DLC1: variants seen among roughly 807,000 people sequenced by gnomAD.
DLC1 encodes rho GTPase-activating protein 7.
A neutral mutation model predicts 140.3 loss-of-function variants in DLC1; 54 were observed. The observed-to-expected ratio is 0.38, with a 90% CI of 0.31 to 0.48. The LOEUF (loss-of-function observed/expected upper bound fraction) is 0.48. Ranked by LOEUF, DLC1 falls within the 20% of genes least tolerant of loss-of-function variation. The probability of loss-of-function intolerance (pLI) is 0.96; values close to 1 mark genes in which losing one functional copy is unlikely to be tolerated. For synonymous variants in DLC1, 986 were observed against 728.1 expected (o/e 1.35, Z -5.70); for missense variants, 2,536 against 1,907.0 (o/e 1.33, Z -6.14).
At chr8:13,507,272 C>A (rs6984727) in intron 1 of DLC1, among the ~76,000 whole-genome samples, 5,082 of 152,260 alleles carry the variant, frequency 0.033, 276 homozygotes, top group African/African-American at 0.11. Flanking sequence ...ACTGACTTGA[C>A]ATATGCTTAG....
At chr8:13,516,239 A>T (rs528338003), upstream of DLC1, among the ~76,000 whole-genome samples, 86 of 152,346 alleles carry the variant, frequency 5.6e-4, no homozygotes, top group African/African-American at 2.0e-3. Flanking sequence ...GCTTTCAATA[A>T]TAGGAAGTGC....
chr8:13,376,918 A>G (rs1836019511), intron 4 of DLC1, among the ~76,000 whole-genome samples: 1 of 152,178 alleles, frequency 6.6e-6, no homozygotes, highest in Non-Finnish European at 1.5e-5. Flanking sequence ...TATATGGTAT[A>G]GATTATATGT....
chr8:13,407,193 C>T (rs1282311484), intron 2 of DLC1, among the ~76,000 whole-genome samples: 2 of 152,182 alleles, frequency 1.3e-5, no homozygotes, highest in South Asian at 2.1e-4. Flanking sequence ...TCCTAATTTA[C>T]TTGGAAGAGC....
intron 5 of DLC1, among the ~76,000 whole-genome samples, chr8:13,136,084 T>C (rs184946410): frequency 2.0e-5 from 3 of 152,370 alleles, no homozygotes; most frequent in East Asian, 3.9e-4. Context: ...GAAATGGACA[T>C]GCTACATTTT....
intron 1 of DLC1, among the ~76,000 whole-genome samples, chr8:13,597,240 T>G (rs1171898822): frequency 6.6e-6 from 1 of 152,038 alleles, no homozygotes; most frequent in Non-Finnish European, 1.5e-5. Context: ...TGGATAGATT[T>G]GTCAGCTTAT....
intron 4 of DLC1, among the ~76,000 whole-genome samples, chr8:13,384,503 G>C (rs150178302): frequency 3.3e-5 from 5 of 152,132 alleles, no homozygotes; most frequent in African/African-American, 7.2e-5. Context: ...GTTAATATTT[G>C]CTTGGGAAAT....
Position 13,407,085 on chromosome 8 carries a change from G to C in DLC1, c.1024-5466C>G, listed in dbSNP as rs562308453. 3.3e-5 allele frequency among the ~76,000 whole-genome samples: 5 copies of C among 152,240 alleles called. No homozygotes were observed. In the East Asian group the frequency reaches 9.7e-4, roughly 29 times the overall value. ...CTTTCAGACATAGGTCAATAGATAC[G>C]AGGCAAATTAGGAGAGAAATTTCAA... On this transcript the variant is annotated intron_variant, in intron 2 of 17. Transcript: ENST00000276297.
At chr8:13,222,312 T>C (rs975153916) in intron 5 of DLC1, among the ~76,000 whole-genome samples, 1 of 152,156 alleles carries the variant, frequency 6.6e-6, no homozygotes, top group Non-Finnish European at 1.5e-5. Flanking sequence ...ATGAAGCCTG[T>C]AACAGTGCTG....
At chr8:13,297,281 T>TAAAAAAAAAAAAAAAAAAA (rs1563233158) in intron 5 of DLC1, among the ~76,000 whole-genome samples, 1 of 192 alleles carries the variant, frequency 5.2e-3, no homozygotes, top group Non-Finnish European at 0.015. Flanking sequence ...CCTTCATACA[T>TAAAAAAAAAAAAAAAAAAA]TAAAAAAAAA....
intron 5 of DLC1, among the ~76,000 whole-genome samples, chr8:13,281,406 C>G (rs1431065923): frequency 1.3e-5 from 2 of 152,146 alleles, no homozygotes; most frequent in African/African-American, 4.8e-5. Context: ...AATTGATTAG[C>G]TCTGACCTGG....
chr8:13,599,129 CT>C (rs1805779507), intron 1 of DLC1, among the ~76,000 whole-genome samples: 1 of 151,626 alleles, frequency 6.6e-6, no homozygotes, highest in Non-Finnish European at 1.5e-5. Context: ...GAAAAAACGT[CT>C]GCTTATATGG....
chr8:13,509,381 G>A (rs571910482), intron 1 of DLC1, among the ~76,000 whole-genome samples: 2 of 152,270 alleles, frequency 1.3e-5, no homozygotes, highest in South Asian at 4.1e-4. Flanking sequence ...AATTACTTCT[G>A]TTAGCTTGGT....
At chr8:13,569,559 G>A (rs1302569174) in intron 1 of DLC1, among the ~76,000 whole-genome samples, 1 of 152,004 alleles carries the variant, frequency 6.6e-6, no homozygotes, top group Admixed American at 6.6e-5. Flanking sequence ...CCCCATTAAA[G>A]GGCATGCTCC....
intron 5 of DLC1, among the ~76,000 whole-genome samples, chr8:13,193,877 G>A (rs887033894): frequency 1.3e-5 from 2 of 152,162 alleles, no homozygotes; most frequent in Non-Finnish European, 2.9e-5. Flanking sequence ...CAAAGGAAAT[G>A]AGCACCTATT....
intron 5 of DLC1, among the ~76,000 whole-genome samples, chr8:13,173,270 A>C (rs1825581454): frequency 1.3e-5 from 2 of 151,856 alleles, no homozygotes; most frequent in Non-Finnish European, 2.9e-5. Flanking sequence ...GTGGGAATTT[A>C]AGCTTTCTAT....
At chr8:13,216,040 T>C (rs1828186513) in intron 5 of DLC1, among the ~76,000 whole-genome samples, 1 of 152,176 alleles carries the variant, frequency 6.6e-6, no homozygotes, top group Non-Finnish European at 1.5e-5. Context: ...CCATCTTTCC[T>C]ACACATTGCA....
chr8:13,423,096 C>G (rs895492044), intron 2 of DLC1, among the ~76,000 whole-genome samples: 1 of 152,144 alleles, frequency 6.6e-6, no homozygotes, highest in Non-Finnish European at 1.5e-5. Flanking sequence ...AAAGGCACAA[C>G]TAAACACAAA....
At chr8:13,269,091 T>A (rs1264397834) in intron 5 of DLC1, among the ~76,000 whole-genome samples, 3 of 151,966 alleles carry the variant, frequency 2.0e-5, no homozygotes, top group Admixed American at 2.0e-4. Flanking sequence ...GCCAGAATGG[T>A]CTCAATCTCC....
intron 5 of DLC1, among the ~76,000 whole-genome samples, chr8:13,155,542 T>C (rs1349955426): frequency 2.6e-5 from 4 of 152,156 alleles, no homozygotes; most frequent in Admixed American, 6.5e-5. Context: ...AGTTAATTAA[T>C]AAAATATTGA....
Sources: gnomAD v4.1 joint callset for allele counts (sites outside exome capture counted in the v4.1 genomes callset) on GRCh38, gnomAD v4.1.1 for gene constraint, MANE v1.5 for transcripts, NCBI Gene and HGNC (gene_info 2026-07-23, HGNC 2026-07-21) for gene names.